Variants in CPVL observed in about 807,000 individuals in gnomAD.
The protein encoded by CPVL is probable serine carboxypeptidase CPVL.
A neutral mutation model predicts 63.7 loss-of-function variants in CPVL; 51 were observed. That is an observed-to-expected ratio of 0.80 (90% CI 0.64 to 1.01). The LOEUF (loss-of-function observed/expected upper bound fraction) is 1.01. CPVL is among the 50% of genes least tolerant of loss of function. The pLI is 0.00. For synonymous variants in CPVL, 195 were observed against 206.0 expected, an observed-to-expected ratio of 0.95 and a Z score of 0.46; for missense variants, 530 against 573.1, an observed-to-expected ratio of 0.92 and a Z score of 0.77.
intron 1 of CPVL, among the ~76,000 whole-genome samples, chr7:29,139,735 G>T (rs1422757255): frequency 6.6e-6 from 1 of 152,144 alleles, no homozygotes; most frequent in Non-Finnish European, 1.5e-5. Flanking sequence ...GGAGTGTGCA[G>T]TCTGCCAGCT....
intron 9 of CPVL, among the ~76,000 whole-genome samples, chr7:29,069,458 A>G (rs1783503845): frequency 6.6e-6 from 1 of 151,564 alleles, no homozygotes; most frequent in Non-Finnish European, 1.5e-5. Context: ...AAAAAAAAAA[A>G]AAGAAAAAGT....
chr7:29,176,188 G>GA (rs200056581), intron 5 of CPVL, among the ~76,000 whole-genome samples: 18,353 of 137,088 alleles, frequency 0.13, 1,469 homozygotes, highest in East Asian at 0.26. Context: ...TCCGTCTCAA[G>GA]AAAAAAAAAA....
chr7:29,033,991 TG>T (rs1332514168), intron 11 of CPVL, among the ~76,000 whole-genome samples: 3 of 152,244 alleles, frequency 2.0e-5, no homozygotes, highest in Non-Finnish European at 2.9e-5. Flanking sequence ...GCTTCAAACC[TG>T]GGGAAAGAAC....
intron 11 of CPVL, among the ~76,000 whole-genome samples, chr7:29,037,865 G>T (rs1055542089): frequency 6.6e-5 from 10 of 152,044 alleles, no homozygotes; most frequent in African/African-American, 2.4e-4. Context: ...GAGTGATCTT[G>T]GATATGTCAT....
At chr7:29,092,807 C>T in intron 5 of CPVL, 105 bp from the exon 6 acceptor site, 1 of 823,220 alleles carries the variant, frequency 1.2e-6, no homozygotes, top group Non-Finnish European at 2.0e-6. Context: ...AAAGGCCAAG[C>T]TCAGACTTCA....
chr7:29,158,978 C>T (rs1483191034), intron 5 of CPVL, among the ~76,000 whole-genome samples: 1 of 152,152 alleles, frequency 6.6e-6, no homozygotes, highest in East Asian at 1.9e-4. Context: ...ATCGAAATAT[C>T]CTATGTAGTT....
At chr7:29,053,957 C>A (rs1790456115) in intron 11 of CPVL, among the ~76,000 whole-genome samples, 1 of 151,678 alleles carries the variant, frequency 6.6e-6, no homozygotes, top group Non-Finnish European at 1.5e-5. Flanking sequence ...TGCCTATAGT[C>A]CCAGCTACTT....
intron 5 of CPVL, among the ~76,000 whole-genome samples, chr7:29,171,233 C>G (rs759489520): frequency 6.6e-6 from 1 of 152,144 alleles, no homozygotes; most frequent in Non-Finnish European, 1.5e-5. Context: ...TCACCTAATA[C>G]GCGTCCTACT....
intron 3 of CPVL, among the ~76,000 whole-genome samples, chr7:29,110,378 T>A (rs1788123074): frequency 6.6e-6 from 1 of 152,146 alleles, no homozygotes; most frequent in Admixed American, 6.5e-5. Context: ...CACCTCTGTC[T>A]GGGTTTGGCT....
intron 1 of CPVL, chr7:29,191,849 A>T (rs1782932157): frequency 6.6e-6 from 1 of 152,354 alleles, no homozygotes; most frequent in Non-Finnish European, 1.5e-5. Context: ...GTCCACAAAC[A>T]GGTCCCTGAG....
At chr7:29,011,629 T>C (rs958713627) in intron 12 of CPVL, 12 of 152,162 alleles carry the variant, frequency 7.9e-5, no homozygotes, top group African/African-American at 2.2e-4. Flanking sequence ...CACATATACA[T>C]AGATAATATA....
chr7:29,071,339 A>G (rs1414944722), intron 9 of CPVL, among the ~76,000 whole-genome samples: 1 of 152,228 alleles, frequency 6.6e-6, no homozygotes, highest in East Asian at 1.9e-4. Context: ...GTCATCTGTT[A>G]CACACTGTGG....
At chr7:29,186,849 A>C (rs1360199423) in intron 1 of CPVL, among the ~76,000 whole-genome samples, 4 of 152,122 alleles carry the variant, frequency 2.6e-5, no homozygotes, top group African/African-American at 7.2e-5. Flanking sequence ...TGTAACCTTG[A>C]TAAATTACTT....
At chr7:29,083,287 C>G (rs1784913063) in intron 7 of CPVL, among the ~76,000 whole-genome samples, 1 of 152,250 alleles carries the variant, frequency 6.6e-6, no homozygotes, top group Non-Finnish European at 1.5e-5. Flanking sequence ...CCTCTGGCAT[C>G]ATCACTTGGA....
intron 3 of CPVL, among the ~76,000 whole-genome samples, chr7:29,104,368 C>T (rs1051757386): frequency 1.3e-5 from 2 of 152,208 alleles, no homozygotes; most frequent in African/African-American, 4.8e-5. Flanking sequence ...GCAAGCGATT[C>T]TCCTGCCTCA....
At chr7:29,068,326 T>G (rs1783347397) in intron 9 of CPVL, among the ~76,000 whole-genome samples, 1 of 152,190 alleles carries the variant, frequency 6.6e-6, no homozygotes, top group Non-Finnish European at 1.5e-5. Flanking sequence ...GTATTCATAT[T>G]CTTTTTCAAA....
At chr7:29,022,396 A>C (rs1354471823) in intron 12 of CPVL, among the ~76,000 whole-genome samples, 1 of 152,074 alleles carries the variant, frequency 6.6e-6, no homozygotes, top group Non-Finnish European at 1.5e-5. Flanking sequence ...GCCTAAAGAT[A>C]CCCATTGCTA....
chr7:29,107,653 G>A (rs978196568), intron 3 of CPVL, among the ~76,000 whole-genome samples: 1 of 152,196 alleles, frequency 6.6e-6, no homozygotes, highest in East Asian at 1.9e-4. Flanking sequence ...TGATCCCTGG[G>A]CCCTCTCCAG....
upstream of CPVL, among the ~76,000 whole-genome samples, chr7:29,149,569 G>A (rs1443944994): frequency 6.6e-6 from 1 of 152,154 alleles, no homozygotes. Context: ...CATAGGACAG[G>A]AGTATGTGCT....
Sources: gnomAD v4.1 joint callset for allele counts (sites outside exome capture counted in the v4.1 genomes callset) on GRCh38, gnomAD v4.1.1 for gene constraint, MANE v1.5 for transcripts, NCBI Gene and HGNC (gene_info 2026-07-23, HGNC 2026-07-21) for gene names.